USP36: variants seen among roughly 807,000 people sequenced by gnomAD.
USP36 encodes ubiquitin specific peptidase 36, also known as ubiquitin carboxyl-terminal hydrolase 36.
A neutral mutation model predicts 111.5 loss-of-function variants in USP36; 59 were observed. The ratio of observed to expected loss-of-function variants is 0.53; its 90% CI spans 0.43 to 0.66. The LOEUF is 0.66. USP36 is among the 30% of genes least tolerant of loss of function. The pLI, the probability that USP36 is intolerant of heterozygous loss-of-function variation, is 0.00. For synonymous variants in USP36, 628 were observed against 581.0 expected (o/e 1.08, Z -1.16); for missense variants, 1,488 against 1,468.0 (o/e 1.01, Z -0.22).
intron 14 of USP36, 127 bp downstream of exon 14, chr17:78,806,832 A>G: frequency 7.6e-7 from 1 of 1,320,744 alleles, no homozygotes; most frequent in Admixed American, 2.3e-5. Flanking sequence ...ACTAAAAGAC[A>G]CTTTGTTCCT....
Position 78,799,877 on chromosome 17 carries a change from C to CTTTTT in USP36, c.3023-114_3023-110dup, listed in dbSNP as rs549964435. ...CAACTTACAGTAAGTGGATGCTTGC[C>CTTTTT]TTTTTTTTTTTTTTTTTTTTTTTTT... is the stretch of plus-strand genomic sequence containing the variant. On this transcript the variant is annotated intron_variant, in intron 17 of 20. Transcript: ENST00000449938. 405 of 155,480 alleles carry CTTTTT rather than the reference C, an allele frequency of 2.6e-3. 20 individuals carry two copies. The highest frequency in any genetic ancestry group is 3.0e-3 in the African/African-American group (77 of 25,830). 9.6% of individuals were successfully genotyped at this position (155,480 alleles called of 1,614,324 possible). A position where few individuals can be genotyped will look rare whatever the true frequency, so the allele number is the denominator to read the frequency against.
chr17:78,804,125 T>G (rs901429246), intron 15 of USP36, 147 bp from the exon 16 acceptor site: 6 of 583,306 alleles, frequency 1.0e-5, no homozygotes, highest in Non-Finnish European at 1.8e-5. Context: ...TTAAGTTACA[T>G]GTATGTTTGA....
rs757493080 is a variant in USP36 at position 78,803,372 on chromosome 17, C to T, written c.2810+13G>A. 10 of 1,606,692 alleles carry T rather than the reference C, an allele frequency of 6.2e-6. No individual in the cohort carries two copies. The Admixed American group carries it at 1.0e-4, about 16-fold the overall frequency. ...TCAGAGGTAGACAGATGCCACTTTGCTCCTGCCCTTACCTGTGCCGAAGTG... is the reference window on the plus strand; with the variant it reads ...TCAGAGGTAGACAGATGCCACTTTGTTCCTGCCCTTACCTGTGCCGAAGTG... On this transcript the variant is annotated intron_variant, in intron 16 of 20. Coordinates refer to ENST00000449938, the MANE Select transcript of USP36 (RefSeq NM_001385174.1). The surrounding 1 kb of genome is among the most constrained non-coding windows in gnomAD (Gnocchi z 4.6).
chr17:78,824,813 G>T (rs1483382245), intron 6 of USP36, among the ~76,000 whole-genome samples: 2 of 152,020 alleles, frequency 1.3e-5, no homozygotes, highest in East Asian at 3.9e-4. Context: ...CTAAGAAAGG[G>T]TTCAGAAAGT....
intron 5 of USP36, among the ~76,000 whole-genome samples, chr17:78,828,043 G>A (rs1330029932): frequency 1.3e-5 from 2 of 152,170 alleles, no homozygotes; most frequent in Admixed American, 6.5e-5. Flanking sequence ...GGGCAACATG[G>A]CCAGACCCCA....
At chr17:78,815,740 T>C (rs977724895) in intron 10 of USP36, among the ~76,000 whole-genome samples, 5 of 152,160 alleles carry the variant, frequency 3.3e-5, no homozygotes, top group African/African-American at 1.2e-4. Flanking sequence ...ATACATAACA[T>C]GCATACATAT....
At chr17:78,814,971 A>G (rs1261952881) in intron 10 of USP36, among the ~76,000 whole-genome samples, 1 of 151,570 alleles carries the variant, frequency 6.6e-6, no homozygotes, top group Non-Finnish European at 1.5e-5. Context: ...CACAAACAAG[A>G]AAAAGACAAT....
At chr17:78,831,942 C>CAAAAAA (rs573258267) in intron 4 of USP36, among the ~76,000 whole-genome samples, 5 of 77,250 alleles carry the variant, frequency 6.5e-5, no homozygotes, top group Admixed American at 1.5e-4. Flanking sequence ...GAGCTTGTCT[C>CAAAAAA]AAAAAAAAAA....
intron 4 of USP36, among the ~76,000 whole-genome samples, chr17:78,833,715 T>G (rs528678054): frequency 1.2e-4 from 18 of 152,206 alleles, no homozygotes; most frequent in Non-Finnish European, 2.6e-4. Flanking sequence ...CATCCTGCAT[T>G]CCTAGGATAA....
chr17:78,812,895 C>A lies in USP36; in HGVS notation c.1372G>T (p.Gly458Cys), dbSNP rs552345677. Reference protein sequence around the residue: ...VIPDHSKKNIGNGIISSPLTG... With the variant: ...VIPDHSKKNICNGIISSPLTG... The stretch of plus-strand genomic sequence containing the variant: ...AGTGGGGAGGAAATAATCCCATTGC[C>A]GATGTTCTTCTTGGAGTGATCTGGA... The change falls in exon 13 of 21, where the codon GGC becomes TGC. Residue 458 changes from glycine (G) to cysteine (C), a missense_variant. Transcript: ENST00000449938. 6.2e-7 allele frequency: 1 copy of A among 1,613,560 alleles called. No homozygotes were observed. The highest frequency in any genetic ancestry group is 1.3e-5 in the African/African-American group (1 of 74,894).
At position 78,806,017 on chromosome 17, in the gene USP36, GC is replaced by G. The variant is rs975088113; in HGVS notation, c.2216+138del. 34 of 1,427,742 alleles carry G rather than the reference GC, an allele frequency of 2.4e-5. No homozygotes were observed. The East Asian group carries it at 6.7e-4, about 28-fold the overall frequency. 88.4% of individuals were successfully genotyped at this position (1,427,742 alleles called of 1,614,324 possible). ...GAAGAGGGGGATCTTGGTCAGTGAC[GC>G]CCCCCTGTACCTCCTGGCTGCCCCA... On this transcript the variant is annotated intron_variant, in intron 15 of 20. Transcript: ENST00000449938.
intron 3 of USP36, 137 bp downstream of exon 3, chr17:78,835,974 C>T: frequency 8.1e-7 from 1 of 1,240,594 alleles, no homozygotes. Flanking sequence ...TAACTGAAAT[C>T]CACTGACCCC....
chr17:78,810,775 G>A (rs184965426), intron 13 of USP36, among the ~76,000 whole-genome samples: 1 of 152,176 alleles, frequency 6.6e-6, no homozygotes. Flanking sequence ...CCTGTGTGTG[G>A]GGTTCAACTC....
At chr17:78,839,265 G>A (rs2069012120) in intron 1 of USP36, among the ~76,000 whole-genome samples, 1 of 152,076 alleles carries the variant, frequency 6.6e-6, no homozygotes, top group Non-Finnish European at 1.5e-5. Context: ...AACCGCACAG[G>A]GAGCACATGA....
Position 78,803,665 on chromosome 17 carries a change from T to C in USP36, c.2530A>G (p.Arg844Gly). 2.5e-6 allele frequency: 4 copies of C among 1,609,672 alleles called. No homozygotes were observed. The highest frequency in any genetic ancestry group is 3.4e-6 in the Non-Finnish European group (4 of 1,178,986). Residue 844 changes from arginine (R) to glycine (G), a missense_variant, in exon 16 of 21, where the codon AGG becomes GGG. Physicochemically the swap from Arg to Gly is moderately radical, Grantham distance 125. Around this residue, in one of 3 missense-constraint regions of USP36, gnomAD observed 1,073 missense variants for 994.1 expected, o/e 1.08. Coordinates refer to ENST00000449938, the MANE Select transcript of USP36 (RefSeq NM_001385174.1). This position sits in a 1 kb window ranked among gnomAD's most constrained non-coding sequence, Gnocchi z 4.6. The part of the protein sequence containing the change: ...REATAAPHGK[R>G]KRKKKKRPED... ...GGGCGCTTCTTCTTCTTCCTCTTCC[T>C]CTTCCCGTGGGGAGCCGCAGTGGCC...
intron 4 of USP36, among the ~76,000 whole-genome samples, chr17:78,829,724 CACTAGGCATTAGGCTAG>C (rs2145560096): frequency 6.6e-6 from 1 of 152,302 alleles, no homozygotes; most frequent in Admixed American, 6.5e-5. Context: ...TAAAACGCCT[CACTAGGCATTAGGCTAG>C]ACAGTGGTCC....
chr17:78,803,969 T>C lies in USP36; in HGVS notation c.2226A>G (p.Ser742=), dbSNP rs1301684015. Residue 742 remains serine (S), a synonymous_variant, in exon 16 of 21, where the codon TCA becomes TCG. Transcript: ENST00000449938. This position sits in a 1 kb window ranked among gnomAD's most constrained non-coding sequence, Gnocchi z 4.6. ...GGCGGCTGGATGATTGGGGAGCAGG[T>C]GACACAGCCCTGTGGGGACAGCCAG... ...TWPVHRARAV[S]PAPQSSSRLQ... is the part of the protein sequence containing the mutation. The C allele has an allele frequency of 1.3e-6, 2 of 1,594,320 alleles. No homozygotes were observed. Among genetic ancestry groups the C allele is most frequent in the Admixed American group, 3.4e-5 (2 of 59,530 alleles).
chr17:78,828,899 T>C lies in USP36; in HGVS notation c.584A>G (p.Lys195Arg), dbSNP rs1401691974. The change falls in exon 5 of 21, where the codon AAA becomes AGA. Residue 195 changes from lysine (K) to arginine (R), a missense_variant and splice_region_variant. Physicochemically the swap from Lys to Arg is conservative, Grantham distance 26. This residue lies in a region of USP36 where 196 missense variants were observed against 264.4 expected (regional missense o/e 0.74). Coordinates refer to ENST00000449938, the MANE Select transcript of USP36 (RefSeq NM_001385174.1). ...IKPVSFIRDL[K>R]KIARHFRFGN... ...TTTTAACATGGATTGATGCTTACTT[T>C]TCAGGTCTCGGATGAAGGAGACGGG... The C allele has an allele frequency of 1.9e-6, 3 of 1,614,030 alleles. No homozygotes were observed. Among genetic ancestry groups the C allele is most frequent in the African/African-American group, 2.7e-5 (2 of 75,042 alleles).
At position 78,799,063 on chromosome 17, in the gene USP36, C is replaced by T. The variant is rs759811318; in HGVS notation, c.3125-40G>A. 2.5e-6 allele frequency: 4 copies of T among 1,597,198 alleles called. No homozygotes were observed. The East Asian group carries it at 6.7e-5, about 27-fold the overall frequency. ...CGGGGGTCAGCACGAGTGCAGGTTC[C>T]CAGGTCCCCTGTGGCTTCACTTCAA... On this transcript the variant is annotated intron_variant, in intron 18 of 20. Transcript: ENST00000449938.
Sources: gnomAD v4.1 joint callset for allele counts (sites outside exome capture counted in the v4.1 genomes callset) on GRCh38, gnomAD v4.1.1 for gene constraint, gnomAD v4.1.1 regional missense constraint, Gnocchi (gnomAD v3.1) non-coding constraint, MANE v1.5 for transcripts, NCBI Gene and HGNC (gene_info 2026-07-23, HGNC 2026-07-21) for gene names.